RBFOX2: variants seen among roughly 807,000 people sequenced by gnomAD.
The protein encoded by RBFOX2 is RNA binding fox-1 homolog 2, also known as RNA binding protein fox-1 homolog 2.
In RBFOX2, 10 loss-of-function variants were observed where a neutral mutation model predicts 49.1. The ratio of observed to expected loss-of-function variants is 0.20; its 90% CI spans 0.13 to 0.35. RBFOX2 has a LOEUF of 0.35. RBFOX2 is among the 10% of genes least tolerant of loss of function. The probability of loss-of-function intolerance (pLI) is 1.00; values close to 1 mark genes in which losing one functional copy is unlikely to be tolerated. For missense variants in RBFOX2, 323 were observed against 486.9 expected, an observed-to-expected ratio of 0.66 and a Z score of 3.17; for synonymous variants, 183 against 187.4, an observed-to-expected ratio of 0.98 and a Z score of 0.19.
intron 1 of RBFOX2, among the ~76,000 whole-genome samples, chr22:35,960,769 A>C (rs2056110806): frequency 6.6e-6 from 1 of 152,156 alleles, no homozygotes; most frequent in African/African-American, 2.4e-5. Context: ...GTCTTTCAAA[A>C]ACCTAGGTAG....
upstream of RBFOX2, among the ~76,000 whole-genome samples, chr22:35,842,007 A>G (rs2040556575): frequency 1.3e-5 from 2 of 152,242 alleles, no homozygotes; most frequent in Non-Finnish European, 2.9e-5. Flanking sequence ...AGCCAAGGCA[A>G]CATGGCAAAT....
At chr22:35,981,962 T>C (rs1279128037) in intron 1 of RBFOX2, among the ~76,000 whole-genome samples, 2 of 152,134 alleles carry the variant, frequency 1.3e-5, no homozygotes, top group Non-Finnish European at 2.9e-5. Flanking sequence ...ATTATCCCTG[T>C]AGAGAGGCAC....
At chr22:35,875,387 GAA>G (rs1275141696) in intron 1 of RBFOX2, among the ~76,000 whole-genome samples, 1 of 152,024 alleles carries the variant, frequency 6.6e-6, no homozygotes, top group Non-Finnish European at 1.5e-5. Context: ...ATTAGAGAAT[GAA>G]AAGGGGGGCC....
chr22:35,942,760 T>C (rs563104501), upstream of RBFOX2, among the ~76,000 whole-genome samples: 1 of 149,250 alleles, frequency 6.7e-6, no homozygotes, highest in Non-Finnish European at 1.5e-5. Flanking sequence ...GCATCGAAAA[T>C]ATAAAGAAGG....
intron 9 of RBFOX2, among the ~76,000 whole-genome samples, chr22:35,754,184 C>T (rs1936117614): frequency 6.6e-6 from 1 of 151,160 alleles, no homozygotes. Flanking sequence ...CTCTGCCTCC[C>T]AGGTTCATGC....
intron 9 of RBFOX2, 139 bp from the exon 11 acceptor site, chr22:35,756,283 C>T (rs1731576197): frequency 3.3e-6 from 2 of 611,364 alleles, no homozygotes; most frequent in Non-Finnish European, 2.4e-6. Flanking sequence ...CTTGGGGCCT[C>T]GGCAAGTTGG....
intron 1 of RBFOX2, among the ~76,000 whole-genome samples, chr22:35,904,438 C>G (rs1159864129): frequency 6.6e-6 from 1 of 152,114 alleles, no homozygotes; most frequent in Middle Eastern, 3.2e-3. Flanking sequence ...AAGTTATTTG[C>G]AGGAGTTTCT....
chr22:35,850,385 C>T (rs1347218918), intron 1 of RBFOX2, among the ~76,000 whole-genome samples: 1 of 152,092 alleles, frequency 6.6e-6, no homozygotes, highest in African/African-American at 2.4e-5. Flanking sequence ...TCATTTAACA[C>T]CTCCCTCGCT....
chr22:35,744,938 C>A (rs1221113860), intron 11 of RBFOX2, among the ~76,000 whole-genome samples: 1 of 152,188 alleles, frequency 6.6e-6, no homozygotes, highest in Admixed American at 6.5e-5. Flanking sequence ...TCAGGTCATT[C>A]TTTTAGCATA....
chr22:35,752,034 CTCACTGA>C (rs1935127026), intron 9 of RBFOX2, among the ~76,000 whole-genome samples: 1 of 152,192 alleles, frequency 6.6e-6, no homozygotes, highest in Admixed American at 6.5e-5. Context: ...TCCAAATGAA[CTCACTGA>C]TCTTCTTAGG....
intron 1 of RBFOX2, among the ~76,000 whole-genome samples, chr22:35,915,326 A>C (rs999611359): frequency 6.6e-6 from 1 of 152,230 alleles, no homozygotes; most frequent in Non-Finnish European, 1.5e-5. Context: ...TAACTAAATT[A>C]GTTGAGGCAA....
chr22:35,914,828 A>G (rs1396911810), intron 1 of RBFOX2, among the ~76,000 whole-genome samples: 1 of 152,220 alleles, frequency 6.6e-6, no homozygotes, highest in Non-Finnish European at 1.5e-5. Flanking sequence ...AATCTGTGAA[A>G]TATTTCTGAA....
At chr22:35,799,013 C>T (rs1305388676) in intron 2 of RBFOX2, among the ~76,000 whole-genome samples, 4 of 152,168 alleles carry the variant, frequency 2.6e-5, no homozygotes, top group Admixed American at 2.0e-4. Context: ...ACCACCTATA[C>T]GCCTTTAGAA....
At chr22:35,868,108 C>T (rs1165344301) in intron 1 of RBFOX2, among the ~76,000 whole-genome samples, 2 of 151,866 alleles carry the variant, frequency 1.3e-5, no homozygotes, top group African/African-American at 2.4e-5. Context: ...GCTACTCAGG[C>T]GACTGAGGCA....
intron 1 of RBFOX2, among the ~76,000 whole-genome samples, chr22:36,011,596 T>C (rs2058825285): frequency 6.6e-6 from 1 of 152,102 alleles, no homozygotes; most frequent in African/African-American, 2.4e-5. Context: ...AAAGAAATAT[T>C]ACGTAGGCAC....
At chr22:35,799,878 T>C (rs1053946891) in intron 2 of RBFOX2, among the ~76,000 whole-genome samples, 6 of 152,030 alleles carry the variant, frequency 3.9e-5, no homozygotes, top group Admixed American at 2.0e-4. Flanking sequence ...CATCTGAGCC[T>C]GGGAGGCAGA....
intron 2 of RBFOX2, among the ~76,000 whole-genome samples, chr22:35,797,885 G>A (rs1279659496): frequency 2.0e-5 from 3 of 152,196 alleles, no homozygotes; most frequent in Admixed American, 1.3e-4. Context: ...TGGGTTCACT[G>A]TTTAGGAGAA....
chr22:35,968,238 G>T (rs372230365), intron 1 of RBFOX2, among the ~76,000 whole-genome samples: 2 of 152,222 alleles, frequency 1.3e-5, no homozygotes, highest in Non-Finnish European at 2.9e-5. Flanking sequence ...AAAGTTGAAA[G>T]GGTTAGTTAA....
At chr22:35,897,561 A>G in intron 1 of RBFOX2, 3 of 905,192 alleles carry the variant, frequency 3.3e-6, no homozygotes, top group South Asian at 2.6e-5. Context: ...GAGCCACAGC[A>G]AAGATGTACT....
Sources: allele counts gnomAD v4.1 joint callset (sites outside exome capture counted in the v4.1 genomes callset), GRCh38; gene constraint gnomAD v4.1.1; transcripts MANE v1.5; gene names NCBI Gene and HGNC (gene_info 2026-07-23, HGNC 2026-07-21).